Variants in SIPA1L3 observed in about 807,000 individuals in gnomAD.
The protein encoded by SIPA1L3 is signal induced proliferation associated 1 like 3, also known as signal-induced proliferation-associated 1-like protein 3.
In SIPA1L3, 59 loss-of-function variants were observed where a neutral mutation model predicts 150.1. That is an observed-to-expected ratio of 0.39 (90% confidence interval 0.32 to 0.49). The LOEUF is 0.49. Ranked by LOEUF, SIPA1L3 falls within the 20% of genes least tolerant of loss-of-function variation. SIPA1L3 has a pLI of 0.86. For missense variants in SIPA1L3, 2,211 were observed against 2,489.5 expected (o/e 0.89, Z 2.38); for synonymous variants, 1,070 against 1,077.6 (o/e 0.99, Z 0.14).
At chr19:37,942,244 A>C (rs1421751954) in intron 1 of SIPA1L3, among the ~76,000 whole-genome samples, 2 of 152,064 alleles carry the variant, frequency 1.3e-5, no homozygotes, top group African/African-American at 2.4e-5. Flanking sequence ...ACAGATTAAT[A>C]AGATAATTCC....
intron 1 of SIPA1L3, among the ~76,000 whole-genome samples, chr19:37,967,338 C>T (rs62120129): frequency 0.056 from 8,441 of 150,890 alleles, 281 homozygotes; most frequent in East Asian, 0.11. Context: ...CTGCAACCTC[C>T]GCCTCCCTGG....
chr19:38,109,216 G>A (rs1048333520), intron 7 of SIPA1L3, among the ~76,000 whole-genome samples: 1 of 152,138 alleles, frequency 6.6e-6, no homozygotes, highest in African/African-American at 2.4e-5. Context: ...TGGCTGGGGA[G>A]GCCTCACAGT....
chr19:38,049,877 C>T (rs1404498117), intron 2 of SIPA1L3, among the ~76,000 whole-genome samples: 3 of 151,950 alleles, frequency 2.0e-5, no homozygotes, highest in Non-Finnish European at 1.5e-5. Context: ...GTGGGGTCTC[C>T]GGGGTTTTAA....
intron 3 of SIPA1L3, among the ~76,000 whole-genome samples, chr19:38,086,838 A>G (rs1970142831): frequency 6.6e-6 from 1 of 152,246 alleles, no homozygotes; most frequent in South Asian, 2.1e-4. Context: ...GTAGGAATTT[A>G]TAGCCAAGAA....
At chr19:38,187,196 A>G (rs1183063322) in intron 16 of SIPA1L3, among the ~76,000 whole-genome samples, 1 of 151,766 alleles carries the variant, frequency 6.6e-6, no homozygotes, top group Non-Finnish European at 1.5e-5. Flanking sequence ...TCACGCCTAT[A>G]ATCCCAGCAC....
At chr19:37,983,888 T>A (rs1967266622) in intron 1 of SIPA1L3, among the ~76,000 whole-genome samples, 1 of 134,538 alleles carries the variant, frequency 7.4e-6, no homozygotes, top group African/African-American at 2.9e-5. Context: ...CCTGGGTGAC[T>A]GAGCGAGACC....
intron 1 of SIPA1L3, among the ~76,000 whole-genome samples, chr19:38,007,769 G>T (rs1967990838): frequency 6.6e-6 from 1 of 152,094 alleles, no homozygotes; most frequent in Non-Finnish European, 1.5e-5. Context: ...GCATGTGTGT[G>T]CATGTATGAT....
At chr19:38,126,567 C>T (rs933813052) in intron 9 of SIPA1L3, among the ~76,000 whole-genome samples, 1 of 151,162 alleles carries the variant, frequency 6.6e-6, no homozygotes, top group African/African-American at 2.4e-5. Flanking sequence ...AAGACAGTCT[C>T]TCTCTGTTGC....
intron 1 of SIPA1L3, among the ~76,000 whole-genome samples, chr19:37,973,869 A>G (rs1426951812): frequency 6.6e-6 from 1 of 152,082 alleles, no homozygotes; most frequent in East Asian, 1.9e-4. Context: ...TGGTGATGCT[A>G]TATTGGAACT....
At chr19:37,942,967 C>T (rs956983807) in intron 1 of SIPA1L3, among the ~76,000 whole-genome samples, 16 of 151,412 alleles carry the variant, frequency 1.1e-4, no homozygotes, top group Non-Finnish European at 2.9e-5. Context: ...CTGCCTCGGC[C>T]TCCCAAAGTG....
Position 38,198,407 on chromosome 19 carries a change from A to G in SIPA1L3, c.4859A>G (p.Glu1620Gly). ...CATCCAGCCACCATCTCAGCCTCGG[A>G]GCTCTCGCTGGCTGATGGGCGGGAC... ...PEKKSTISAS[E>G]LSLADGRDRP... Residue 1620 changes from glutamate to glycine, a missense_variant, in exon 19 of 22, where the codon GAG becomes GGG. Physicochemically the swap from Glu to Gly is moderately conservative, Grantham distance 98. Around this residue, in one of 5 missense-constraint regions of SIPA1L3, gnomAD observed 806 missense variants for 870.1 expected, o/e 0.93. Coordinates refer to ENST00000222345, the MANE Select transcript of SIPA1L3 (RefSeq NM_015073.3). 1 of 1,575,352 alleles carries G rather than the reference A, an allele frequency of 6.3e-7. No homozygotes were observed. The highest frequency in any genetic ancestry group is 8.6e-7 in the Non-Finnish European group (1 of 1,163,012).
At chr19:38,185,876 T>C (rs1972665450) in intron 16 of SIPA1L3, 1 of 152,212 alleles carries the variant, frequency 6.6e-6, no homozygotes, top group African/African-American at 2.4e-5. Context: ...GGCTTAGGAC[T>C]TCAATGTAGC....
Position 38,198,404 on chromosome 19 carries a change from C to G in SIPA1L3, c.4856C>G (p.Ser1619Trp), listed in dbSNP as rs559674649. ...FPEKKSTISA[S>W]ELSLADGRDR... is the part of the protein sequence containing the mutation. Reference sequence around the variant, plus strand: ...CCCCATCCAGCCACCATCTCAGCCTCGGAGCTCTCGCTGGCTGATGGGCGG... The same window carrying G: ...CCCCATCCAGCCACCATCTCAGCCTGGGAGCTCTCGCTGGCTGATGGGCGG... Residue 1619 changes from serine to tryptophan, a missense_variant, in exon 19 of 22, where the codon TCG (serine) becomes TGG (tryptophan). Coordinates refer to ENST00000222345, the MANE Select transcript of SIPA1L3 (RefSeq NM_015073.3). The G allele has an allele frequency of 1.3e-6, 2 of 1,573,990 alleles. No homozygotes were observed. Among genetic ancestry groups the G allele is most frequent in the Admixed American group, 1.9e-5 (1 of 53,432 alleles).
chr19:38,115,722 C>T (rs1034937709), intron 8 of SIPA1L3, among the ~76,000 whole-genome samples: 1 of 152,248 alleles, frequency 6.6e-6, no homozygotes, highest in African/African-American at 2.4e-5. Flanking sequence ...CCAGCTTCAT[C>T]ATCACTTGCT....
rs1299092366 is a variant in SIPA1L3 at position 38,119,618 on chromosome 19, A to G, written c.2604A>G (p.Ala868=). 1.2e-6 allele frequency: 2 copies of G among 1,614,204 alleles called. No homozygotes were observed. The highest frequency in any genetic ancestry group is 2.2e-5 in the East Asian group (1 of 44,886). Residue 868 remains alanine (A), a synonymous_variant, in exon 9 of 22, where the codon GCA becomes GCG. Coordinates refer to ENST00000222345, the MANE Select transcript of SIPA1L3 (RefSeq NM_015073.3). ...GGGCTGGCGCTGAGCAGCACAGTGCAGGGGCCATCGCCTGGAGGGTGGTGG... is the reference window on the plus strand; with the variant it reads ...GGGCTGGCGCTGAGCAGCACAGTGCGGGGGCCATCGCCTGGAGGGTGGTGG... ...KARAGAEQHS[A]GAIAWRVVAQ...
At chr19:37,975,774 G>A (rs1032906394) in intron 1 of SIPA1L3, among the ~76,000 whole-genome samples, 1 of 152,160 alleles carries the variant, frequency 6.6e-6, no homozygotes, top group Non-Finnish European at 1.5e-5. Context: ...GGAGTCAGGG[G>A]TGCAGCCTCT....
At chr19:38,090,654 G>A (rs1273118970) in intron 4 of SIPA1L3, among the ~76,000 whole-genome samples, 1 of 152,254 alleles carries the variant, frequency 6.6e-6, no homozygotes, top group Non-Finnish European at 1.5e-5. Context: ...AGCTAGGCAG[G>A]CCCTCCAAAA....
chr19:38,006,069 C>T (rs543191660), intron 1 of SIPA1L3, among the ~76,000 whole-genome samples: 9 of 152,176 alleles, frequency 5.9e-5, no homozygotes, highest in Non-Finnish European at 8.8e-5. Context: ...GATAAACAGG[C>T]GGTGAATGGT....
chr19:38,121,764 A>T (rs1433646840), intron 9 of SIPA1L3, among the ~76,000 whole-genome samples: 1 of 133,076 alleles, frequency 7.5e-6, no homozygotes, highest in African/African-American at 3.3e-5. Flanking sequence ...AACAAACAAA[A>T]AATAAATTAG....
Sources: gnomAD v4.1 joint callset for allele counts (sites outside exome capture counted in the v4.1 genomes callset) on GRCh38, gnomAD v4.1.1 for gene constraint, gnomAD v4.1.1 regional missense constraint, MANE v1.5 for transcripts, NCBI Gene and HGNC (gene_info 2026-07-23, HGNC 2026-07-21) for gene names.